The following CAMTA1 variants were observed in gnomAD, a reference collection of about 807,000 sequenced individuals.
CAMTA1 encodes calmodulin-binding transcription activator 1.
In CAMTA1, 27 loss-of-function variants were observed where a neutral mutation model predicts 170.9. The ratio of observed to expected loss-of-function variants is 0.16; its 90% CI spans 0.12 to 0.22. The LOEUF (loss-of-function observed/expected upper bound fraction) is 0.22. Among genes scored for constraint, CAMTA1 ranks in the 10% least tolerant of loss-of-function variants. The pLI is 1.00. For missense variants in CAMTA1, 1,619 were observed against 2,217.2 expected (o/e 0.73, Z 5.42); for synonymous variants, 833 against 891.5 (o/e 0.93, Z 1.17).
At chr1:7,648,654 C>T (rs2149009760) in intron 7 of CAMTA1, among the ~76,000 whole-genome samples, 1 of 152,318 alleles carries the variant, frequency 6.6e-6, no homozygotes, top group Admixed American at 6.5e-5. Flanking sequence ...CCACCCAGTT[C>T]TGGGGCTCAG....
At chr1:7,766,366 C>T in intron 22 of CAMTA1, 93 bp from the exon 23 acceptor site, 1 of 1,157,210 alleles carries the variant, frequency 8.6e-7, no homozygotes, top group Non-Finnish European at 1.3e-6. Flanking sequence ...CTTGGCTTTT[C>T]AGTTCAGAGG....
chr1:7,119,638 A>G (rs1490202063), intron 4 of CAMTA1, among the ~76,000 whole-genome samples: 1 of 152,158 alleles, frequency 6.6e-6, no homozygotes, highest in Non-Finnish European at 1.5e-5. Flanking sequence ...GGGCAGGATG[A>G]GGAAGAGGGC....
intron 3 of CAMTA1, among the ~76,000 whole-genome samples, chr1:6,903,984 T>C (rs1240307777): frequency 6.6e-6 from 1 of 152,232 alleles, no homozygotes; most frequent in Non-Finnish European, 1.5e-5. Context: ...ATCTACAGTT[T>C]ATTCCTCTCT....
At chr1:7,174,859 G>T (rs546601891) in intron 4 of CAMTA1, among the ~76,000 whole-genome samples, 1 of 152,358 alleles carries the variant, frequency 6.6e-6, no homozygotes, top group Admixed American at 6.5e-5. Context: ...CAGGCAGCTT[G>T]TGGGTCTGGG....
At chr1:6,926,311 TCCTCCCCTCC>T (rs956146048) in intron 3 of CAMTA1, among the ~76,000 whole-genome samples, 4 of 147,380 alleles carry the variant, frequency 2.7e-5, no homozygotes, top group African/African-American at 1.0e-4. Flanking sequence ...TCCTCTCCTC[TCCTCCCCTCC>T]CCTCCCCTCT....
chr1:7,031,204 TTTC>T (rs1284895484), intron 3 of CAMTA1, among the ~76,000 whole-genome samples: 1 of 152,044 alleles, frequency 6.6e-6, no homozygotes, highest in African/African-American at 2.4e-5. Flanking sequence ...GATTTGTCTA[TTTC>T]TTCTTGTATT....
At chr1:7,522,262 T>C (rs1216286819) in intron 6 of CAMTA1, among the ~76,000 whole-genome samples, 1 of 152,368 alleles carries the variant, frequency 6.6e-6, no homozygotes, top group African/African-American at 2.4e-5. Context: ...GTTAAGCATC[T>C]TTCAGGTGCT....
chr1:6,828,100 C>T (rs915568890), intron 3 of CAMTA1, among the ~76,000 whole-genome samples: 10 of 152,088 alleles, frequency 6.6e-5, no homozygotes, highest in Non-Finnish European at 1.5e-4. Flanking sequence ...TTTCTCTGTT[C>T]TCCATGTTCG....
intron 7 of CAMTA1, among the ~76,000 whole-genome samples, chr1:7,657,587 G>A (rs4908667): frequency 0.89 from 135,753 of 152,092 alleles, 60,786 homozygotes; most frequent in East Asian, 1. Context: ...GGGGGCGGCC[G>A]GCATGCGTGG....
chr1:7,251,822 A>G lies in CAMTA1; in HGVS notation c.438+2196A>G, dbSNP rs1371227534. On this transcript the variant is annotated intron_variant, in intron 5 of 22. Transcript: ENST00000303635. The surrounding 1 kb of genome is among the most constrained non-coding windows in gnomAD (Gnocchi z 5.1). ...AGACACTTCCTAGGTCAGATGGGAT[A>G]CAAGCTGAGCCCTTAAAGTCGGGTG... 6.6e-6 allele frequency among the ~76,000 whole-genome samples: 1 copy of G among 152,170 alleles called. No homozygotes were observed. Among genetic ancestry groups the G allele is most frequent in the Non-Finnish European group, 1.5e-5 (1 of 68,014 alleles).
At chr1:7,074,811 A>G (rs1639089109) in intron 3 of CAMTA1, among the ~76,000 whole-genome samples, 1 of 152,178 alleles carries the variant, frequency 6.6e-6, no homozygotes, top group South Asian at 2.1e-4. Context: ...TTCCCAGTTT[A>G]CAGTTAGAGC....
chr1:6,825,098 A>G lies in CAMTA1; in HGVS notation c.122A>G (p.His41Arg), dbSNP rs1646960047. The change falls in exon 3 of 23, where the codon CAT becomes CGT. Residue 41 changes from histidine (H) to arginine (R), a missense_variant. His to Arg is a conservative substitution (Grantham distance 29, BLOSUM62 0). Around this residue, in one of 8 missense-constraint regions of CAMTA1, gnomAD observed 61 missense variants for 57.7 expected, o/e 1.06. Coordinates refer to ENST00000303635, the MANE Select transcript of CAMTA1 (RefSeq NM_015215.4). Reference sequence around the variant, plus strand: ...ATTGTTTTCTTCTTTGTAGATGATCATGGGAACAGCAATAGTAGTCATGTA... The same window carrying G: ...ATTGTTTTCTTCTTTGTAGATGATCGTGGGAACAGCAATAGTAGTCATGTA... ...LNTVPPIEDD[H>R]GNSNSSHVKI... The G allele has an allele frequency of 1.3e-6, 2 of 1,554,926 alleles. No homozygotes were observed. Among genetic ancestry groups the G allele is most frequent in the Non-Finnish European group, 1.8e-6 (2 of 1,137,446 alleles).
chr1:7,096,022 G>T (rs11120840), intron 4 of CAMTA1, among the ~76,000 whole-genome samples: 91,093 of 152,144 alleles, frequency 0.6, 27,651 homozygotes, highest in Middle Eastern at 0.7. Context: ...GGCTGGAAAA[G>T]GCTGTTGATT....
At chr1:7,090,930 GAA>G (rs1641383249) in intron 3 of CAMTA1, among the ~76,000 whole-genome samples, 1 of 152,158 alleles carries the variant, frequency 6.6e-6, no homozygotes, top group Non-Finnish European at 1.5e-5. Flanking sequence ...AGAAAAGGAC[GAA>G]ACTTTCCAAT....
chr1:7,657,961 A>G (rs980545016), intron 7 of CAMTA1, among the ~76,000 whole-genome samples: 1 of 152,234 alleles, frequency 6.6e-6, no homozygotes. Context: ...CACCCCCATC[A>G]GGACTGGAGG....
At chr1:6,809,416 C>T (rs1158300924) in intron 1 of CAMTA1, among the ~76,000 whole-genome samples, 1 of 152,074 alleles carries the variant, frequency 6.6e-6, no homozygotes, top group East Asian at 1.9e-4. Flanking sequence ...ATCAGGGAGT[C>T]CTTCATATCA....
intron 11 of CAMTA1, among the ~76,000 whole-genome samples, chr1:7,683,931 C>A (rs1034589425): frequency 1.3e-5 from 2 of 152,202 alleles, no homozygotes; most frequent in Non-Finnish European, 2.9e-5. Flanking sequence ...TCCTAAGGAG[C>A]CAGCTGTGCT....
intron 4 of CAMTA1, among the ~76,000 whole-genome samples, chr1:7,159,949 TA>T (rs1274402354): frequency 6.6e-6 from 1 of 152,084 alleles, no homozygotes; most frequent in Non-Finnish European, 1.5e-5. Context: ...ACACTTTCAG[TA>T]AAAAACTTAG....
At chr1:7,266,529 A>G (rs1279755055) in intron 5 of CAMTA1, among the ~76,000 whole-genome samples, 1 of 152,248 alleles carries the variant, frequency 6.6e-6, no homozygotes, top group East Asian at 1.9e-4. Context: ...GGGATACAGT[A>G]ATGCACAAAA....
Sources: gnomAD v4.1 joint callset for allele counts (sites outside exome capture counted in the v4.1 genomes callset) on GRCh38, gnomAD v4.1.1 for gene constraint, gnomAD v4.1.1 regional missense constraint, Gnocchi (gnomAD v3.1) non-coding constraint, MANE v1.5 for transcripts, NCBI Gene and HGNC (gene_info 2026-07-23, HGNC 2026-07-21) for gene names.